Variants in ADAMTSL2 observed in about 807,000 individuals in gnomAD.
The protein encoded by ADAMTSL2 is ADAMTS-like protein 2.
A neutral mutation model predicts 117.0 loss-of-function variants in ADAMTSL2; 55 were observed. The observed-to-expected ratio is 0.47, with a 90% CI of 0.38 to 0.59. The LOEUF (loss-of-function observed/expected upper bound fraction) is 0.59, where lower values mean the gene tolerates loss of function less well. Among genes scored for constraint, ADAMTSL2 ranks in the 20% least tolerant of loss-of-function variants. The pLI is 0.00. For missense variants in ADAMTSL2, 1,182 were observed against 1,354.5 expected (o/e 0.87, Z 2.00); for synonymous variants, 572 against 566.4 (o/e 1.01, Z -0.14).
chr9:133,573,875 G>T lies in ADAMTSL2; in HGVS notation c.2625G>T (p.Met875Ile). The T allele has an allele frequency of 6.2e-7, 1 of 1,614,154 alleles. No homozygotes were observed. The highest frequency in any genetic ancestry group is 8.5e-7 in the Non-Finnish European group (1 of 1,180,026). Reference protein sequence around the residue: ...CTKTCGVGVRMRDVKCYQGTD... With the variant: ...CTKTCGVGVRIRDVKCYQGTD... ...AGACCTGCGGGGTGGGCGTGAGGATGCGAGACGTCAAGTGCTACCAGGGGA... is the reference window on the plus strand; with the variant it reads ...AGACCTGCGGGGTGGGCGTGAGGATTCGAGACGTCAAGTGCTACCAGGGGA... Residue 875 changes from methionine to isoleucine, a missense_variant, in exon 18 of 19, where the codon ATG becomes ATT. Physicochemically the swap from Met to Ile is conservative, Grantham distance 10. This residue lies in a region of ADAMTSL2 where 465 missense variants were observed against 565.3 expected (regional missense o/e 0.82). Transcript: ENST00000651351.
In ADAMTSL2 at chr9:133,570,400, C is replaced by A; in HGVS notation, c.2485C>A (p.Pro829Thr). ...CTGCATGGAGCTGGCCAACGGGAAG[C>A]CGCAGACGCGCAGTGGCCCCGAGTG... ...VLCMELANGK[P>T]QTRSGPECGL... Residue 829 changes from proline to threonine, a missense_variant, in exon 17 of 19, where the codon CCG (proline) becomes ACG (threonine). Coordinates refer to ENST00000651351, the MANE Select transcript of ADAMTSL2 (RefSeq NM_014694.4). 3 of 1,581,088 alleles carry A rather than the reference C, an allele frequency of 1.9e-6. No homozygotes were observed.
At chr9:133,567,481 C>T (rs1831002049) in intron 13 of ADAMTSL2, among the ~76,000 whole-genome samples, 1 of 152,194 alleles carries the variant, frequency 6.6e-6, no homozygotes, top group African/African-American at 2.4e-5. Context: ...GGCCTCGTCT[C>T]CTGCCTTGTG....
At chr9:133,537,056 GC>G (rs1229591880) in intron 2 of ADAMTSL2, among the ~76,000 whole-genome samples, 1 of 152,220 alleles carries the variant, frequency 6.6e-6, no homozygotes, top group African/African-American at 2.4e-5. Flanking sequence ...CCAAGTGAAG[GC>G]CCCAGCACGG....
intron 9 of ADAMTSL2, among the ~76,000 whole-genome samples, chr9:133,551,577 T>C (rs981148989): frequency 3.9e-5 from 6 of 152,266 alleles, no homozygotes; most frequent in Admixed American, 3.3e-4. Context: ...AGAAGTTTTT[T>C]GCAAGTGATG....
At chr9:133,563,813 AAG>A (rs1281080359) in intron 12 of ADAMTSL2, among the ~76,000 whole-genome samples, 2 of 71,558 alleles carry the variant, frequency 2.8e-5, no homozygotes, top group Middle Eastern at 0.01. Context: ...GAGAGAGAGA[AAG>A]GGGGAGAGAG....
In ADAMTSL2 at chr9:133,575,089, T is replaced by A; in HGVS notation, c.*225T>A. 1 of 574,610 alleles carries A rather than the reference T, an allele frequency of 1.7e-6. No homozygotes were observed. Among genetic ancestry groups the A allele is most frequent in the Non-Finnish European group, 3.1e-6 (1 of 319,692 alleles). The allele number at this position is 574,610 out of a possible 1,614,324, so 35.6% of individuals were successfully genotyped here. On this transcript the variant is annotated 3_prime_UTR_variant, in exon 19 of 19. Coordinates refer to ENST00000651351, the MANE Select transcript of ADAMTSL2 (RefSeq NM_014694.4). ...GGCCTCCCCCAGACAGAGCCACCCC[T>A]GCCGTGGGAACCTGTCCGTGTTCCT...
rs1830637987 is a variant in ADAMTSL2, at chr9:133,557,850, CAG to C, written c.1649+1923_1649+1924del. Among the ~76,000 whole-genome samples, 1 of 152,182 alleles carries C rather than the reference CAG, an allele frequency of 6.6e-6. No individual in the cohort carries two copies. Among genetic ancestry groups the C allele is most frequent in the African/African-American group, 2.4e-5 (1 of 41,436 alleles). The stretch of plus-strand genomic sequence containing the variant: ...GGCCCTCCAAATAGAATAGGTTTAT[CAG>C]AGTGGCACCGAGGCCTCGCTGTGGA... On this transcript the variant is annotated intron_variant, in intron 11 of 18. Transcript: ENST00000651351. This position sits in a 1 kb window ranked among gnomAD's most constrained non-coding sequence, Gnocchi z 5.2.
chr9:133,567,213 C>T, intron 13 of ADAMTSL2, 151 bp downstream of exon 13: 3 of 961,536 alleles, frequency 3.1e-6, no homozygotes, highest in Non-Finnish European at 4.6e-6. Context: ...CAGACCTCAC[C>T]CCTCAGAGAC....
chr9:133,548,165 C>T (rs1830398677), intron 9 of ADAMTSL2, among the ~76,000 whole-genome samples: 2 of 152,226 alleles, frequency 1.3e-5, no homozygotes, highest in Admixed American at 1.3e-4. Context: ...AATGTGGGCA[C>T]AGAGCGAGTG....
intron 1 of ADAMTSL2, among the ~76,000 whole-genome samples, chr9:133,535,807 G>A (rs923129146): frequency 2.0e-5 from 3 of 152,180 alleles, no homozygotes; most frequent in African/African-American, 7.2e-5. Flanking sequence ...AGGTCATGGT[G>A]GATCTCTGGT....
At chr9:133,565,316 C>T (rs370961970) in intron 12 of ADAMTSL2, among the ~76,000 whole-genome samples, 2 of 152,168 alleles carry the variant, frequency 1.3e-5, no homozygotes, top group Admixed American at 1.3e-4. Flanking sequence ...AGTCTGGTCA[C>T]GGTCACGTCA....
chr9:133,555,522 A>C, intron 10 of ADAMTSL2, 36 bp from the exon 11 acceptor site: 8 of 1,612,668 alleles, frequency 5.0e-6, no homozygotes, highest in African/African-American at 1.3e-5. Context: ...CAGGGCTCGG[A>C]TGTGCCCACG....
chr9:133,545,401 AG>A (rs1288297581), intron 8 of ADAMTSL2, among the ~76,000 whole-genome samples: 2 of 152,124 alleles, frequency 1.3e-5, no homozygotes, highest in Non-Finnish European at 2.9e-5. Context: ...CCATCTCCTA[AG>A]GGGGTGCTGG....
intron 4 of ADAMTSL2, 40 bp downstream of exon 4, chr9:133,538,464 C>G (rs749715446): frequency 6.2e-7 from 1 of 1,608,202 alleles, no homozygotes; most frequent in Admixed American, 1.7e-5. Context: ...GGCCTGCTCT[C>G]CCTGTCATCA....
intron 4 of ADAMTSL2, among the ~76,000 whole-genome samples, chr9:133,538,760 A>G (rs1168432811): frequency 6.6e-6 from 1 of 152,160 alleles, no homozygotes; most frequent in African/African-American, 2.4e-5. Flanking sequence ...CCTGGTGCTC[A>G]CAGAGACCCA....
chr9:133,553,046 G>C (rs368165436), intron 9 of ADAMTSL2, among the ~76,000 whole-genome samples: 11 of 152,320 alleles, frequency 7.2e-5, no homozygotes, highest in African/African-American at 2.6e-4. Context: ...TATTGGTCTG[G>C]TGGCTGGGAG....
At chr9:133,544,647 C>T in intron 8 of ADAMTSL2, 97 bp downstream of exon 8, 1 of 1,057,300 alleles carries the variant, frequency 9.5e-7, no homozygotes, top group Middle Eastern at 2.0e-4. Flanking sequence ...ACCCCTTCCT[C>T]CAGGACAGGG....
At chr9:133,541,342 G>T (rs1412087526) in intron 7 of ADAMTSL2, among the ~76,000 whole-genome samples, 1 of 151,014 alleles carries the variant, frequency 6.6e-6, no homozygotes, top group African/African-American at 2.4e-5. Flanking sequence ...AGGCTGGAGT[G>T]CAGTGGCTTG....
chr9:133,561,154 G>T (rs1037191440), intron 11 of ADAMTSL2, 44 bp from the exon 12 acceptor site: 13 of 1,521,144 alleles, frequency 8.5e-6, no homozygotes, highest in Non-Finnish European at 9.9e-6. Flanking sequence ...TGCCGGTGGG[G>T]CCTGGAGCGT....
Sources: gnomAD v4.1 joint callset for allele counts (sites outside exome capture counted in the v4.1 genomes callset) on GRCh38, gnomAD v4.1.1 for gene constraint, gnomAD v4.1.1 regional missense constraint, Gnocchi (gnomAD v3.1) non-coding constraint, MANE v1.5 for transcripts, NCBI Gene and HGNC (gene_info 2026-07-23, HGNC 2026-07-21) for gene names.